Variants in TIAM1 observed in about 807,000 individuals in gnomAD.
TIAM1 encodes rho guanine nucleotide exchange factor TIAM1.
TIAM1 carries 65 observed loss-of-function variants against 163.5 expected under a neutral mutation model. The observed-to-expected ratio is 0.40, with a 90% CI of 0.33 to 0.49. The LOEUF (loss-of-function observed/expected upper bound fraction) is 0.49, where lower values mean the gene tolerates loss of function less well. TIAM1 is among the 20% of genes least tolerant of loss of function. The pLI is 0.77. For missense variants in TIAM1, 1,789 were observed against 2,044.7 expected (o/e 0.87, Z 2.41); for synonymous variants, 833 against 810.1 (o/e 1.03, Z -0.48).
intron 2 of TIAM1, among the ~76,000 whole-genome samples, chr21:31,308,771 C>T (rs775262250): frequency 9.9e-5 from 15 of 152,090 alleles, no homozygotes; most frequent in African/African-American, 2.4e-4. Context: ...GGCCAACAGA[C>T]GCCAGGACAA....
rs1415105427 is a variant in TIAM1 at position 31,266,589 on chromosome 21, G to A, written c.384C>T (p.Asp128=). The part of the protein sequence containing the change: ...LTAASVQSMP[D]TEESRLYGDD... ...CCCCGTAAAGCCTGCTCTCCTCAGT[G>A]TCTGGCATGCTCTGCACAGAGGCTG... Residue 128 remains aspartate, a synonymous_variant, in exon 4 of 28, where the codon GAC becomes GAT. Transcript: ENST00000541036. 1 of 1,614,112 alleles carries A rather than the reference G, an allele frequency of 6.2e-7. No homozygotes were observed. The highest frequency in any genetic ancestry group is 8.5e-7 in the Non-Finnish European group (1 of 1,180,058).
chr21:31,265,258 G>A (rs2072693675), intron 4 of TIAM1, among the ~76,000 whole-genome samples: 1 of 142,500 alleles, frequency 7.0e-6, no homozygotes, highest in Admixed American at 7.5e-5. Flanking sequence ...CCAGGCTGGA[G>A]CGAAGTCTCT....
intron 5 of TIAM1, among the ~76,000 whole-genome samples, chr21:31,248,060 A>G (rs1216478870): frequency 1.3e-5 from 2 of 152,206 alleles, no homozygotes; most frequent in Admixed American, 6.5e-5. Context: ...TTAAGCATCC[A>G]CAATGCCCAA....
At chr21:31,472,320 A>C (rs908166849) in intron 1 of TIAM1, among the ~76,000 whole-genome samples, 1 of 152,092 alleles carries the variant, frequency 6.6e-6, no homozygotes, top group African/African-American at 2.4e-5. Flanking sequence ...TGAAGGCAGG[A>C]GTTTGAGACC....
chr21:31,315,991 C>T (rs2075112012), intron 2 of TIAM1, among the ~76,000 whole-genome samples: 1 of 152,024 alleles, frequency 6.6e-6, no homozygotes, highest in African/African-American at 2.4e-5. Flanking sequence ...AATAAACCTG[C>T]GATGAAAGGA....
intron 2 of TIAM1, among the ~76,000 whole-genome samples, chr21:31,322,033 C>G (rs151122546): frequency 0.011 from 1,714 of 151,844 alleles, 36 homozygotes; most frequent in African/African-American, 0.038. Flanking sequence ...GACTCCATAT[C>G]AAAACAAACA....
chr21:31,535,600 A>G (rs1008152897), intron 1 of TIAM1, among the ~76,000 whole-genome samples: 1 of 152,036 alleles, frequency 6.6e-6, no homozygotes, highest in Non-Finnish European at 1.5e-5. Flanking sequence ...GCCCACGTAA[A>G]GGGGATGTCA....
intron 1 of TIAM1, among the ~76,000 whole-genome samples, chr21:31,506,233 T>G (rs946621617): frequency 4.2e-5 from 6 of 142,170 alleles, no homozygotes; most frequent in African/African-American, 1.6e-4. Context: ...AATAGCACTC[T>G]CTCTAAACTC....
At chr21:31,392,468 G>A (rs1034595518) in intron 2 of TIAM1, among the ~76,000 whole-genome samples, 26 of 151,598 alleles carry the variant, frequency 1.7e-4, no homozygotes, top group African/African-American at 5.6e-4. Context: ...TACTCAAGAG[G>A]CTGAGGCAGG....
intron 13 of TIAM1, 132 bp from the exon 14 acceptor site, chr21:31,187,219 GT>G: frequency 1.3e-6 from 1 of 782,302 alleles, no homozygotes; most frequent in Non-Finnish European, 2.1e-6. Flanking sequence ...GTTTTTTCTT[GT>G]TTTACATAGC....
intron 2 of TIAM1, among the ~76,000 whole-genome samples, chr21:31,450,012 G>A (rs893534695): frequency 6.6e-6 from 1 of 152,140 alleles, no homozygotes; most frequent in Admixed American, 6.5e-5. Flanking sequence ...CACGTAACTG[G>A]CCTTGCCTCT....
chr21:31,314,847 C>T (rs1352116147), intron 2 of TIAM1, among the ~76,000 whole-genome samples: 3 of 152,094 alleles, frequency 2.0e-5, no homozygotes, highest in African/African-American at 7.2e-5. Context: ...GCTTAGCACA[C>T]GATCCCTGGA....
At chr21:31,242,853 T>G (rs2071257438) in intron 6 of TIAM1, among the ~76,000 whole-genome samples, 1 of 102,310 alleles carries the variant, frequency 9.8e-6, no homozygotes, top group Non-Finnish European at 1.9e-5. Context: ...AGAACAAGAC[T>G]CTGTCTCAAA....
At chr21:31,431,515 T>A (rs1267189342) in intron 2 of TIAM1, among the ~76,000 whole-genome samples, 1 of 152,200 alleles carries the variant, frequency 6.6e-6, no homozygotes, top group Admixed American at 6.5e-5. Flanking sequence ...CAATGTTGCA[T>A]CCTAAGGCCC....
intron 2 of TIAM1, among the ~76,000 whole-genome samples, chr21:31,295,489 A>AAAAAG (rs2074221736): frequency 4.0e-5 from 6 of 148,598 alleles, no homozygotes; most frequent in African/African-American, 1.5e-4. Context: ...AAAAAAAAAA[A>AAAAAG]GGTCTTAAAG....
chr21:31,413,252 T>G (rs900232627), intron 2 of TIAM1, among the ~76,000 whole-genome samples: 4 of 144,012 alleles, frequency 2.8e-5, no homozygotes, highest in African/African-American at 1.1e-4. Flanking sequence ...CTTTTTTCTT[T>G]TCTTTTCTTT....
At chr21:31,465,995 G>A (rs571436936) in intron 1 of TIAM1, among the ~76,000 whole-genome samples, 6 of 152,174 alleles carry the variant, frequency 3.9e-5, no homozygotes, top group Admixed American at 6.5e-5. Context: ...CGTGAGCCAC[G>A]GCGCCCGGCC....
chr21:31,215,576 A>AG (rs953748531), intron 9 of TIAM1, among the ~76,000 whole-genome samples: 2 of 150,776 alleles, frequency 1.3e-5, no homozygotes, highest in African/African-American at 4.9e-5. Context: ...AAGAAAAAAA[A>AG]AAAAAAAAAA....
chr21:31,172,329 CAG>C (rs547234472), intron 15 of TIAM1, among the ~76,000 whole-genome samples: 277 of 152,050 alleles, frequency 1.8e-3, no homozygotes, highest in South Asian at 4.6e-3. Flanking sequence ...CCCATACAAA[CAG>C]AGTTTTGCAA....
Sources: allele counts gnomAD v4.1 joint callset (sites outside exome capture counted in the v4.1 genomes callset), GRCh38; gene constraint gnomAD v4.1.1; transcripts MANE v1.5; gene names NCBI Gene and HGNC (gene_info 2026-07-23, HGNC 2026-07-21).